Variants in FBXO27 observed in about 807,000 individuals in gnomAD.
The protein encoded by FBXO27 is F-box only protein 27.
In FBXO27, 28 loss-of-function variants were observed where a neutral mutation model predicts 28.3. That is an observed-to-expected ratio of 0.99 (90% CI 0.73 to 1.36). The LOEUF (loss-of-function observed/expected upper bound fraction) is 1.36. Ranked by LOEUF, FBXO27 falls within the 40% of genes most tolerant of loss-of-function variation. The pLI, the probability that FBXO27 is intolerant of heterozygous loss-of-function variation, is 0.00. For synonymous variants in FBXO27, 175 were observed against 167.3 expected (o/e 1.05, Z -0.36); for missense variants, 388 against 394.1 (o/e 0.98, Z 0.13).
At chr19:39,009,013 G>T (rs941102885) in intron 2 of FBXO27, among the ~76,000 whole-genome samples, 1 of 152,118 alleles carries the variant, frequency 6.6e-6, no homozygotes, top group African/African-American at 2.4e-5. Context: ...GTAGAGACGG[G>T]GTTTCACCAT....
At chr19:39,008,212 C>T (rs932510507) in intron 2 of FBXO27, among the ~76,000 whole-genome samples, 6 of 150,412 alleles carry the variant, frequency 4.0e-5, no homozygotes, top group Non-Finnish European at 5.9e-5. Context: ...TTGCAGTGAG[C>T]GGAGATGGTG....
chr19:39,024,861 G>A lies in FBXO27; in HGVS notation c.*550C>T, dbSNP rs1319251740. The A allele has an allele frequency of 1.3e-5, 2 of 152,346 alleles. No homozygotes were observed. Among genetic ancestry groups the A allele is most frequent in the Non-Finnish European group, 2.9e-5 (2 of 68,346 alleles). The allele number at this position is 152,346 out of a possible 1,614,324, so 9.4% of individuals were successfully genotyped here. On this transcript the variant is annotated 3_prime_UTR_variant, in exon 6 of 6. Coordinates refer to ENST00000292853, the MANE Select transcript of FBXO27 (RefSeq NM_178820.5). Reference sequence around the variant, plus strand: ...TTTTAACGTAGACTTTCAGCTGCATGACCTGGTCCCAGCCCTGTAGCTCGG... The same window carrying A: ...TTTTAACGTAGACTTTCAGCTGCATAACCTGGTCCCAGCCCTGTAGCTCGG...
downstream of FBXO27, among the ~76,000 whole-genome samples, chr19:39,021,751 C>G (rs2072846077): frequency 6.6e-6 from 1 of 152,022 alleles, no homozygotes; most frequent in African/African-American, 2.4e-5. Context: ...CAACCTCTGC[C>G]TCCTGGGTTC....
chr19:39,006,528 C>G (rs1003038457), intron 2 of FBXO27, among the ~76,000 whole-genome samples: 1 of 152,170 alleles, frequency 6.6e-6, no homozygotes, highest in Admixed American at 6.5e-5. Context: ...CACTGAACAC[C>G]AGCCTGGGCA....
At chr19:39,019,548 G>T (rs568834673), downstream of FBXO27, among the ~76,000 whole-genome samples, 1 of 150,428 alleles carries the variant, frequency 6.6e-6, no homozygotes, top group South Asian at 2.1e-4. Flanking sequence ...CTAAAGGAAG[G>T]TGAGGGACAT....
intron 4 of FBXO27, 144 bp from the exon 5 acceptor site, chr19:39,027,149 ATGT>A: frequency 9.8e-7 from 1 of 1,022,568 alleles, no homozygotes; most frequent in Non-Finnish European, 1.4e-6. Flanking sequence ...GACCTTTGGA[ATGT>A]TGTGTCAGAC....
intron 2 of FBXO27, among the ~76,000 whole-genome samples, chr19:39,010,079 G>A (rs558774158): frequency 4.6e-5 from 7 of 152,104 alleles, no homozygotes; most frequent in African/African-American, 1.7e-4. Context: ...CAAAGTGCTG[G>A]GATTAGAGGT....
chr19:39,018,095 C>T (rs373051043), intron 1 of FBXO27, among the ~76,000 whole-genome samples: 1 of 152,102 alleles, frequency 6.6e-6, no homozygotes, highest in Non-Finnish European at 1.5e-5. Flanking sequence ...ATCCTCCTGC[C>T]TCAGCCTCCC....
At chr19:39,021,049 G>T (rs551215079), downstream of FBXO27, among the ~76,000 whole-genome samples, 63 of 152,088 alleles carry the variant, frequency 4.1e-4, 2 homozygotes, top group South Asian at 0.013. Flanking sequence ...ACAGGGTTTC[G>T]CCATGTTGGC....
In FBXO27 at chr19:39,007,303, G is replaced by C. The variant is rs568321024; in HGVS notation, c.252+7084C>G. On this transcript the variant is annotated intron_variant, in intron 2 of 2. Coordinates refer to the FBXO27 transcript ENST00000598394. ...TGCCCAAGGCAGTCAATTCCAGATG[G>C]GTTTTGCATGTCCATGACAACAGTG... 5.9e-5 allele frequency among the ~76,000 whole-genome samples: 9 copies of C among 152,228 alleles called. No homozygotes were observed. In the South Asian group the frequency reaches 1.7e-3, roughly 28 times the overall value.
downstream of FBXO27, among the ~76,000 whole-genome samples, chr19:39,022,873 C>T (rs1230141878): frequency 7.2e-5 from 11 of 152,108 alleles, no homozygotes; most frequent in Admixed American, 2.6e-4. Flanking sequence ...TCTTGGCTTA[C>T]GGCAACCTCT....
At chr19:39,022,785 T>A (rs571181798), downstream of FBXO27, among the ~76,000 whole-genome samples, 19 of 151,884 alleles carry the variant, frequency 1.3e-4, no homozygotes, top group African/African-American at 3.9e-4. Context: ...ACTGGCTAAT[T>A]TGCATTTTTA....
At position 39,032,216 on chromosome 19, in the gene FBXO27, C is replaced by G. The variant is rs750134728; in HGVS notation, c.12G>C (p.Ser4=). 6.2e-6 allele frequency: 9 copies of G among 1,450,138 alleles called. No homozygotes were observed. Among genetic ancestry groups the G allele is most frequent in the Non-Finnish European group, 5.4e-6 (6 of 1,108,398 alleles). 89.8% of individuals were successfully genotyped at this position (1,450,138 alleles called of 1,614,324 possible). A position where few individuals can be genotyped will look rare whatever the true frequency, so the allele number is the denominator to read the frequency against. The change falls in exon 2 of 6, where the codon TCG becomes TCC. Residue 4 remains serine, a synonymous_variant. Coordinates refer to ENST00000292853, the MANE Select transcript of FBXO27 (RefSeq NM_178820.5). This position sits in a 1 kb window ranked among gnomAD's most constrained non-coding sequence, Gnocchi z 4.7. ...CCCGGGCGGCCCGGCCCCTGGAGAC[C>G]GAGGCGCCCATGGTCCCCCCGCCAG... MGA[S]VSRGRAARVP...
intron 2 of FBXO27, among the ~76,000 whole-genome samples, chr19:39,010,609 C>T (rs763577420): frequency 4.6e-5 from 7 of 152,218 alleles, no homozygotes; most frequent in East Asian, 1.9e-4. Context: ...GTCAGTTTAC[C>T]GTTGCCATCG....
chr19:39,027,983 G>A (rs1317147525), intron 4 of FBXO27, among the ~76,000 whole-genome samples: 1 of 151,722 alleles, frequency 6.6e-6, no homozygotes. Context: ...GCTCACGCCT[G>A]TAATCCCAAC....
rs567620173 is a variant in FBXO27, at chr19:39,008,264, C to CAA, written c.252+6121_252+6122dup. Among the ~76,000 whole-genome samples, 141 of 98,866 alleles carry CAA rather than the reference C, an allele frequency of 1.4e-3. 2 individuals carry two copies. In the South Asian group the frequency reaches 0.032, roughly 22 times the overall value. The allele number at this position is 98,866 out of a possible 152,430, so 64.9% of individuals were successfully genotyped here. A position where few individuals can be genotyped will look rare whatever the true frequency, so the allele number is the denominator to read the frequency against. On this transcript the variant is annotated intron_variant, in intron 2 of 2. Coordinates refer to the FBXO27 transcript ENST00000598394. The stretch of plus-strand genomic sequence containing the variant: ...TGGGCAACAGAGTGAGACTCTGTCT[C>CAA]AAAAAAAAAAAAAAAGAAGGTTTTA...
intron 1 of FBXO27, among the ~76,000 whole-genome samples, chr19:39,017,763 T>G (rs574591868): frequency 5.9e-5 from 9 of 151,926 alleles, no homozygotes; most frequent in African/African-American, 1.9e-4. Flanking sequence ...CCTACTCAAA[T>G]GTCTATCAAT....
In FBXO27 at chr19:39,031,083, C is replaced by G; in HGVS notation, c.518G>C (p.Gly173Ala). The G allele has an allele frequency of 6.2e-7, 1 of 1,614,158 alleles. No homozygotes were observed. The highest frequency in any genetic ancestry group is 1.6e-4 in the Middle Eastern group (1 of 6,062). The change falls in exon 4 of 6, where the codon GGT becomes GCT. Residue 173 changes from glycine to alanine, a missense_variant. Physicochemically the swap from Gly to Ala is moderately conservative, Grantham distance 60. Coordinates refer to ENST00000292853, the MANE Select transcript of FBXO27 (RefSeq NM_178820.5). ...ACTATCCAGCAGTTCTGGCCACAGACCCTCCTCCTCTAGGTCCAAGACCTG... is the reference window on the plus strand; with the variant it reads ...ACTATCCAGCAGTTCTGGCCACAGAGCCTCCTCCTCTAGGTCCAAGACCTG... ...KKQVLDLEEE[G>A]LWPELLDSGR...
chr19:39,023,995 A>C (rs970479387), downstream of FBXO27: 1 of 152,196 alleles, frequency 6.6e-6, no homozygotes, highest in African/African-American at 2.4e-5. Context: ...GTAACTCTGC[A>C]TTTCTATTAA....
Sources: allele counts gnomAD v4.1 joint callset (sites outside exome capture counted in the v4.1 genomes callset), GRCh38; gene constraint gnomAD v4.1.1; non-coding constraint Gnocchi (gnomAD v3.1); transcripts MANE v1.5; gene names NCBI Gene and HGNC (gene_info 2026-07-23, HGNC 2026-07-21).